Variants in RBCK1 observed in about 807,000 individuals in gnomAD.
RBCK1 encodes ranBP-type and C3HC4-type zinc finger-containing protein 1.
RBCK1 carries 44 observed loss-of-function variants against 71.1 expected under a neutral mutation model. That is an observed-to-expected ratio of 0.62 (90% CI 0.49 to 0.80). The LOEUF (loss-of-function observed/expected upper bound fraction) is 0.80, where lower values mean the gene tolerates loss of function less well. Ranked by LOEUF, RBCK1 falls within the 30% of genes least tolerant of loss-of-function variation. The probability of loss-of-function intolerance (pLI) is 0.00; values close to 1 mark genes in which losing one functional copy is unlikely to be tolerated. For synonymous variants in RBCK1, 306 were observed against 279.7 expected (o/e 1.09, Z -0.94); for missense variants, 569 against 685.0 (o/e 0.83, Z 1.89).
chr20:410,647 G>T, intron 2 of RBCK1: 2 of 741,522 alleles, frequency 2.7e-6, no homozygotes, highest in South Asian at 1.4e-5. Context: ...GGTAAGGGAA[G>T]GGAAGAGAAT....
In RBCK1 at chr20:408,505, C is replaced by G. The variant is rs1367937970; in HGVS notation, c.-253C>G. ...CCTCGGCTGGTCCCGTTTCCTCCTG[C>G]GCCCAGTGCGGACCTGTCTCGGCGC... is the stretch of plus-strand genomic sequence containing the variant. On this transcript the variant is annotated 5_prime_UTR_variant, in exon 1 of 12. Coordinates refer to ENST00000356286, the MANE Select transcript of RBCK1 (RefSeq NM_031229.4). 17 of 565,658 alleles carry G rather than the reference C, an allele frequency of 3.0e-5. No individual in the cohort carries two copies. The highest frequency in any genetic ancestry group is 5.0e-5 in the Non-Finnish European group (16 of 319,820). 35.0% of individuals were successfully genotyped at this position (565,658 alleles called of 1,614,324 possible). A position where few individuals can be genotyped will look rare whatever the true frequency, so the allele number is the denominator to read the frequency against.
Position 430,719 on chromosome 20 carries a change from CCCA to C in RBCK1, c.*294_*296del, listed in dbSNP as rs2016977252. The C allele has an allele frequency of 8.5e-6, 4 of 469,838 alleles. No individual in the cohort carries two copies. The highest frequency in any genetic ancestry group is 7.1e-5 in the South Asian group (3 of 42,464). The allele number at this position is 469,838 out of a possible 1,614,324, so 29.1% of individuals were successfully genotyped here. A position where few individuals can be genotyped will look rare whatever the true frequency, so the allele number is the denominator to read the frequency against. On this transcript the variant is annotated 3_prime_UTR_variant, in exon 12 of 12. Coordinates refer to ENST00000356286, the MANE Select transcript of RBCK1 (RefSeq NM_031229.4). The surrounding 1 kb of genome is among the most constrained non-coding windows in gnomAD (Gnocchi z 5.6). The stretch of plus-strand genomic sequence containing the variant: ...AGCCTCTGTGTGACTCCATACTCCT[CCCA>C]CCACAACACTCATCTGTCAAACACC...
rs566620050 is a variant in RBCK1, at chr20:432,004, T to C, written c.*1574T>C. ...CCTGGGCATGAGACAAAAGCAGAGA[T>C]TGTTCTCTTGTGGTACCACAGGCTG... On this transcript the variant is annotated 3_prime_UTR_variant, in exon 12 of 12. Coordinates refer to ENST00000356286, the MANE Select transcript of RBCK1 (RefSeq NM_031229.4). The surrounding 1 kb of genome is among the most constrained non-coding windows in gnomAD (Gnocchi z 4.3). Among the ~76,000 whole-genome samples, 1 of 152,324 alleles carries C rather than the reference T, an allele frequency of 6.6e-6. No homozygotes were observed. The highest frequency in any genetic ancestry group is 2.4e-5 in the African/African-American group (1 of 41,578).
At chr20:429,338 T>G (rs2016903424) in intron 11 of RBCK1, among the ~76,000 whole-genome samples, 1 of 152,068 alleles carries the variant, frequency 6.6e-6, no homozygotes, top group South Asian at 2.1e-4. Flanking sequence ...GCAATTCTCC[T>G]GCCTCAGCCT....
chr20:420,489 G>A (rs1242704663), intron 6 of RBCK1: 1 of 983,884 alleles, frequency 1.0e-6, no homozygotes, highest in Non-Finnish European at 1.2e-6. Context: ...CCCTGGCCCG[G>A]GCCCTGCCCT....
At chr20:425,513 G>C (rs1480446465) in intron 8 of RBCK1, among the ~76,000 whole-genome samples, 1 of 151,920 alleles carries the variant, frequency 6.6e-6, no homozygotes, top group African/African-American at 2.4e-5. Flanking sequence ...TTTTGCTATA[G>C]AATTTTTCTA....
chr20:410,582 G>T (rs1171245063), intron 2 of RBCK1: 2 of 779,396 alleles, frequency 2.6e-6, no homozygotes, highest in Non-Finnish European at 4.8e-6. Context: ...CTACAGTTCA[G>T]CTTGAGGGGA....
intron 1 of RBCK1, 101 bp downstream of exon 1, chr20:408,880 T>A: frequency 7.4e-7 from 1 of 1,358,832 alleles, no homozygotes; most frequent in Non-Finnish European, 1.0e-6. Context: ...GAGGGGGCTT[T>A]AGCCTGCCCT....
rs1368555151 is a variant in RBCK1, at chr20:431,931, C to T, written c.*1501C>T. 2.6e-5 allele frequency among the ~76,000 whole-genome samples: 4 copies of T among 152,184 alleles called. No individual in the cohort carries two copies. Among genetic ancestry groups the T allele is most frequent in the Admixed American group, 6.5e-5 (1 of 15,282 alleles). ...CAGCTCAGGCAGACGCTGTCTCATA[C>T]CCACTCTCCCCTCTCTTGCCAGGGC... On this transcript the variant is annotated 3_prime_UTR_variant, in exon 12 of 12. Coordinates refer to ENST00000356286, the MANE Select transcript of RBCK1 (RefSeq NM_031229.4). This position sits in a 1 kb window ranked among gnomAD's most constrained non-coding sequence, Gnocchi z 4.8.
Position 431,940 on chromosome 20 carries a change from C to A in RBCK1, c.*1510C>A, listed in dbSNP as rs1289019582. 6.6e-6 allele frequency among the ~76,000 whole-genome samples: 1 copy of A among 152,230 alleles called. No homozygotes were observed. Among genetic ancestry groups the A allele is most frequent in the Admixed American group, 6.5e-5 (1 of 15,282 alleles). ...CAGACGCTGTCTCATACCCACTCTC[C>A]CCTCTCTTGCCAGGGCCTGGCCTGG... On this transcript the variant is annotated 3_prime_UTR_variant, in exon 12 of 12. Coordinates refer to ENST00000356286, the MANE Select transcript of RBCK1 (RefSeq NM_031229.4). The surrounding 1 kb of genome is among the most constrained non-coding windows in gnomAD (Gnocchi z 4.8).
chr20:421,028 G>T lies in RBCK1; in HGVS notation c.914G>T (p.Cys305Phe). 1.3e-6 allele frequency: 2 copies of T among 1,550,826 alleles called. No homozygotes were observed. Among genetic ancestry groups the T allele is most frequent in the Non-Finnish European group, 1.7e-6 (2 of 1,146,834 alleles). The change falls in exon 7 of 12, where the codon TGC (cysteine) becomes TTC (phenylalanine). Residue 305 changes from cysteine (C) to phenylalanine (F), a missense_variant. Coordinates refer to ENST00000356286, the MANE Select transcript of RBCK1 (RefSeq NM_031229.4). ...CTGCGTGAGTGTCTGCACACCTTCT[G>T]CAGGTGCGGCCCCCAGTCCCACCCC... is the stretch of plus-strand genomic sequence containing the variant. ...VVLRECLHTF[C>F]RECLQGTIRN...
At chr20:427,207 G>T in intron 8 of RBCK1, 106 bp from the exon 9 acceptor site, 1 of 1,051,014 alleles carries the variant, frequency 9.5e-7, no homozygotes, top group East Asian at 2.4e-5. Flanking sequence ...GCCTGGGGCT[G>T]GGTTGGAGTT....
chr20:424,434 G>A (rs901395494), intron 8 of RBCK1, among the ~76,000 whole-genome samples: 6 of 152,004 alleles, frequency 3.9e-5, no homozygotes, highest in African/African-American at 9.7e-5. Flanking sequence ...CTTTATTTCT[G>A]TCCCCCCTGC....
At chr20:426,347 G>T (rs563058912) in intron 8 of RBCK1, among the ~76,000 whole-genome samples, 1 of 152,034 alleles carries the variant, frequency 6.6e-6, no homozygotes. Flanking sequence ...CCCCTGCCAC[G>T]CCTCACTACC....
chr20:418,629 A>C (rs548272459), intron 4 of RBCK1, among the ~76,000 whole-genome samples: 4 of 152,166 alleles, frequency 2.6e-5, no homozygotes, highest in South Asian at 2.1e-4. Context: ...CGGCCTCCCA[A>C]AGTGCTGGGA....
rs748728239 is a variant in RBCK1, at chr20:417,390, G to C, written c.168-136G>C. 2 of 826,730 alleles carry C rather than the reference G, an allele frequency of 2.4e-6. No individual in the cohort carries two copies. The highest frequency in any genetic ancestry group is 2.1e-6 in the Non-Finnish European group (1 of 483,780). The allele number at this position is 826,730 out of a possible 1,614,324, so 51.2% of individuals were successfully genotyped here. A position where few individuals can be genotyped will look rare whatever the true frequency, so the allele number is the denominator to read the frequency against. On this transcript the variant is annotated intron_variant, in intron 2 of 11. Coordinates refer to ENST00000356286, the MANE Select transcript of RBCK1 (RefSeq NM_031229.4). This position sits in a 1 kb window ranked among gnomAD's most constrained non-coding sequence, Gnocchi z 4.7. ...GCATGGGTGGGGCCTACCCCAGACT[G>C]GGGTTTGTGTGTGTGTGTGTGTGTG...
intron 6 of RBCK1, chr20:420,366 C>T (rs2082090663): frequency 1.0e-6 from 1 of 984,800 alleles, no homozygotes; most frequent in African/African-American, 1.8e-5. Context: ...ACCCCTGGCC[C>T]CACCTGCATT....
chr20:420,114 G>A (rs2016293012), intron 6 of RBCK1: 2 of 984,412 alleles, frequency 2.0e-6, no homozygotes, highest in Non-Finnish European at 2.4e-6. Context: ...ACCCCCACCC[G>A]TCTGTGACCT....
At position 429,103 on chromosome 20, in the gene RBCK1, T is replaced by C. The variant is rs749801662; in HGVS notation, c.1452+9T>C. ...CACGCTGGGGCCCTGGGGTGAGTCT[T>C]TGCTCGTGGTGGTGTGGAGAGGGTG... On this transcript the variant is annotated intron_variant, in intron 11 of 11. Coordinates refer to ENST00000356286, the MANE Select transcript of RBCK1 (RefSeq NM_031229.4). The C allele has an allele frequency of 1.9e-6, 3 of 1,607,290 alleles. No individual in the cohort carries two copies.
Sources: allele counts gnomAD v4.1 joint callset (sites outside exome capture counted in the v4.1 genomes callset), GRCh38; gene constraint gnomAD v4.1.1; non-coding constraint Gnocchi (gnomAD v3.1); transcripts MANE v1.5; gene names NCBI Gene and HGNC (gene_info 2026-07-23, HGNC 2026-07-21).